Variants in CYC1 observed in about 807,000 individuals in gnomAD.
The protein encoded by CYC1 is cytochrome c1, heme protein, mitochondrial.
In CYC1, 10 loss-of-function variants were observed where a neutral mutation model predicts 33.8. That is an observed-to-expected ratio of 0.30 (90% CI 0.18 to 0.50). CYC1 has a LOEUF of 0.50. CYC1 is among the 20% of genes least tolerant of loss of function. The pLI is 0.98. For missense variants in CYC1, 459 were observed against 437.6 expected (o/e 1.05, Z -0.44); for synonymous variants, 224 against 181.9 (o/e 1.23, Z -1.86).
chr8:144,095,242 C>G lies in CYC1; in HGVS notation c.129+14C>G. Reference sequence around the variant, plus strand: ...CGGACACCTCAGGTGAGCGCTGGGCCGGGCCCCGGCCTCCGCGCGGCCCCG... The same window carrying G: ...CGGACACCTCAGGTGAGCGCTGGGCGGGGCCCCGGCCTCCGCGCGGCCCCG... On this transcript the variant is annotated intron_variant, in intron 1 of 6. Coordinates refer to ENST00000318911, the MANE Select transcript of CYC1 (RefSeq NM_001916.5). 1 of 1,198,292 alleles carries G rather than the reference C, an allele frequency of 8.3e-7. No individual in the cohort carries two copies. Among genetic ancestry groups the G allele is most frequent in the Non-Finnish European group, 1.0e-6 (1 of 966,438 alleles). The allele number at this position is 1,198,292 out of a possible 1,614,324, so 74.2% of individuals were successfully genotyped here. A position where few individuals can be genotyped will look rare whatever the true frequency, so the allele number is the denominator to read the frequency against.
In CYC1 at chr8:144,097,336, AC is replaced by A. The variant is rs1836186050; in HGVS notation, c.*3del. 1 of 1,613,286 alleles carries A rather than the reference AC, an allele frequency of 6.2e-7. No homozygotes were observed. Among genetic ancestry groups the A allele is most frequent in the African/African-American group, 1.3e-5 (1 of 74,904 alleles). ...AGCTGGCATATCGGCCGCCCAAGTG[AC>A]CCTGTCCAGTGTCTGCTTGCCATCC... On this transcript the variant is annotated 3_prime_UTR_variant, in exon 7 of 7. Transcript: ENST00000318911.
In CYC1 at chr8:144,097,307, C is replaced by A. The variant is rs374087453; in HGVS notation, c.949C>A (p.Arg317=). The part of the protein sequence containing the change: ...KRHKWSVLKS[R]KLAYRPPK ...GCACAAGTGGTCAGTCCTGAAGAGTCGGAAGCTGGCATATCGGCCGCCCAA... is the reference window on the plus strand; with the variant it reads ...GCACAAGTGGTCAGTCCTGAAGAGTAGGAAGCTGGCATATCGGCCGCCCAA... Residue 317 remains arginine, a synonymous_variant, in exon 7 of 7, where the codon CGG becomes AGG. Transcript: ENST00000318911. 6.2e-7 allele frequency: 1 copy of A among 1,613,946 alleles called. No homozygotes were observed. Among genetic ancestry groups the A allele is most frequent in the Non-Finnish European group, 8.5e-7 (1 of 1,180,028 alleles).
rs376934717 is a variant in CYC1, at chr8:144,097,327, G to A, written c.969G>A (p.Pro323=). Residue 323 remains proline (P), a synonymous_variant, in exon 7 of 7, where the codon CCG becomes CCA. Coordinates refer to ENST00000318911, the MANE Select transcript of CYC1 (RefSeq NM_001916.5). ...AGAGTCGGAAGCTGGCATATCGGCC[G>A]CCCAAGTGACCCTGTCCAGTGTCTG... ...VLKSRKLAYR[P]PK 24 of 1,613,586 alleles carry A rather than the reference G, an allele frequency of 1.5e-5. No individual in the cohort carries two copies. The highest frequency in any genetic ancestry group is 3.3e-5 in the Admixed American group (2 of 59,972).
In CYC1 at chr8:144,097,405, T is replaced by G; in HGVS notation, c.*69T>G. 7.5e-7 allele frequency: 1 copy of G among 1,329,592 alleles called. No homozygotes were observed. The highest frequency in any genetic ancestry group is 1.1e-6 in the Non-Finnish European group (1 of 932,880). The allele number at this position is 1,329,592 out of a possible 1,614,324, so 82.4% of individuals were successfully genotyped here. On this transcript the variant is annotated 3_prime_UTR_variant, in exon 7 of 7. Coordinates refer to ENST00000318911, the MANE Select transcript of CYC1 (RefSeq NM_001916.5). ...AAGCCCAAGAGCCATCCCAGGCCTGTTCAGGCCTCAGCTAAGCCTCTCTTC... is the reference window on the plus strand; with the variant it reads ...AAGCCCAAGAGCCATCCCAGGCCTGGTCAGGCCTCAGCTAAGCCTCTCTTC...
chr8:144,097,281 G>A lies in CYC1; in HGVS notation c.923G>A (p.Arg308Gln), dbSNP rs200419425. ...GTGCCCCTGGTCTACACCATAAAGC[G>A]GCACAAGTGGTCAGTCCTGAAGAGT... ...LLVPLVYTIKRHKWSVLKSRK... is the reference protein window; with the variant it reads ...LLVPLVYTIKQHKWSVLKSRK... Residue 308 changes from arginine (R) to glutamine (Q), a missense_variant, in exon 7 of 7, where the codon CGG (arginine) becomes CAG (glutamine). By Grantham distance (43) the Arg-to-Gln change is conservative (BLOSUM62 1). Transcript: ENST00000318911. 18 of 1,613,982 alleles carry A rather than the reference G, an allele frequency of 1.1e-5. No individual in the cohort carries two copies. The highest frequency in any genetic ancestry group is 5.3e-5 in the African/African-American group (4 of 74,904).
chr8:144,095,331 C>A, intron 1 of CYC1, 103 bp downstream of exon 1: 2 of 1,021,308 alleles, frequency 2.0e-6, no homozygotes, highest in Non-Finnish European at 2.5e-6. Context: ...GGAAGCGGTA[C>A]CGGCCACCCA....
chr8:144,096,865 G>A, intron 5 of CYC1, 121 bp downstream of exon 5: 2 of 1,301,176 alleles, frequency 1.5e-6, no homozygotes, highest in South Asian at 2.6e-5. Flanking sequence ...GGCGTCTTCT[G>A]TGCATGTCTC....
At position 144,096,707 on chromosome 8, in the gene CYC1, C is replaced by T. The variant is rs777056215; in HGVS notation, c.735C>T (p.Ala245=). ...TTCCTGGCCAGGCCATTGCCATGGC[C>T]CCTCCCATCTACACAGATGTCTTAG... is the stretch of plus-strand genomic sequence containing the variant. ...PYFPGQAIAM[A]PPIYTDVLEF... The change falls in exon 5 of 7, where the codon GCC becomes GCT. Residue 245 remains alanine (A), a synonymous_variant. Coordinates refer to ENST00000318911, the MANE Select transcript of CYC1 (RefSeq NM_001916.5). 3.7e-6 allele frequency: 6 copies of T among 1,613,736 alleles called. No homozygotes were observed. The highest frequency in any genetic ancestry group is 1.3e-5 in the African/African-American group (1 of 75,034).
In CYC1 at chr8:144,096,376, T is replaced by C; in HGVS notation, c.493T>C (p.Phe165Leu). ...QDGPNEDGEM[F>L]MRPGKLFDYF... ...CGGCCCCAATGAAGATGGGGAGATG[T>C]TCATGCGGCCAGGGAAGCTGTTCGA... Residue 165 changes from phenylalanine (F) to leucine (L), a missense_variant, in exon 4 of 7, where the codon TTC becomes CTC. Physicochemically the swap from Phe to Leu is conservative, Grantham distance 22 (BLOSUM62 0). Transcript: ENST00000318911. 6.2e-7 allele frequency: 1 copy of C among 1,613,904 alleles called. No individual in the cohort carries two copies. Among genetic ancestry groups the C allele is most frequent in the South Asian group, 1.1e-5 (1 of 91,068 alleles).
At chr8:144,096,980 A>G (rs1365483023) in intron 5 of CYC1, 54 bp from the exon 6 acceptor site, 10 of 1,466,064 alleles carry the variant, frequency 6.8e-6, no homozygotes, top group Non-Finnish European at 9.4e-6. Context: ...GGGGGGCATG[A>G]TCCCAGGTTG....
rs1440867862 is a variant in CYC1 at position 144,096,368 on chromosome 8, G to A, written c.485G>A (p.Gly162Glu). Reference protein sequence around the residue: ...VEVQDGPNEDGEMFMRPGKLF... With the variant: ...VEVQDGPNEDEEMFMRPGKLF... ...GTTCAAGACGGCCCCAATGAAGATG[G>A]GGAGATGTTCATGCGGCCAGGGAAG... Residue 162 changes from glycine to glutamate, a missense_variant, in exon 4 of 7, where the codon GGG becomes GAG. Physicochemically the swap from Gly to Glu is moderately conservative, Grantham distance 98. Transcript: ENST00000318911. 4 of 1,614,046 alleles carry A rather than the reference G, an allele frequency of 2.5e-6. No individual in the cohort carries two copies. The highest frequency in any genetic ancestry group is 3.4e-6 in the Non-Finnish European group (4 of 1,180,006).
chr8:144,096,035 C>A lies in CYC1; in HGVS notation c.326+6C>A. On this transcript the variant is annotated splice_donor_region_variant and intron_variant, in intron 2 of 6. Coordinates refer to ENST00000318911, the MANE Select transcript of CYC1 (RefSeq NM_001916.5). Reference sequence around the variant, plus strand: ...TCTTCCTTGGACCACACCAGGTGTGCAGCTGGCTGGCTGGCTGGCAGCGGG... The same window carrying A: ...TCTTCCTTGGACCACACCAGGTGTGAAGCTGGCTGGCTGGCTGGCAGCGGG... The A allele has an allele frequency of 6.2e-7, 1 of 1,600,196 alleles. No individual in the cohort carries two copies. Among genetic ancestry groups the A allele is most frequent in the Non-Finnish European group, 8.5e-7 (1 of 1,174,678 alleles).
At chr8:144,095,258 C>CA in intron 1 of CYC1, 30 bp downstream of exon 1, 1 of 1,194,670 alleles carries the variant, frequency 8.4e-7, no homozygotes, top group South Asian at 4.2e-5. Flanking sequence ...CCGGCCTCCG[C>CA]GCGGCCCCGC....
At position 144,096,461 on chromosome 8, in the gene CYC1, T is replaced by C. The variant is rs201129717; in HGVS notation, c.578T>C (p.Leu193Ser). 4.3e-6 allele frequency: 7 copies of C among 1,614,040 alleles called. No individual in the cohort carries two copies. The Admixed American group carries it at 1.0e-4, about 23-fold the overall frequency. The change falls in exon 4 of 7, where the codon TTG becomes TCG. Residue 193 changes from leucine (L) to serine (S), a missense_variant. By Grantham distance (145) the Leu-to-Ser change is moderately radical. Coordinates refer to ENST00000318911, the MANE Select transcript of CYC1 (RefSeq NM_001916.5). The part of the protein sequence containing the change: ...EAARAANNGA[L>S]PPDLSYIVRA... ...GCTCGAGCTGCCAACAACGGAGCATTGCCCCCTGACCTCAGCTACATCGTG... is the reference window on the plus strand; with the variant it reads ...GCTCGAGCTGCCAACAACGGAGCATCGCCCCCTGACCTCAGCTACATCGTG...
chr8:144,095,718 C>G, intron 1 of CYC1, 115 bp from the exon 2 acceptor site: 1 of 1,069,500 alleles, frequency 9.4e-7, no homozygotes, highest in Admixed American at 2.2e-5. Flanking sequence ...ACAGGGTGTG[C>G]GTCTGGTGCC....
rs1391326974 is a variant in CYC1, at chr8:144,095,897, G to A, written c.194G>A (p.Gly65Asp). The stretch of plus-strand genomic sequence containing the variant: ...CGGAAAGTGATGCTGTCAGCGCTGG[G>A]CATGCTGGCGGCAGGGGGTGCGGGG... ...RGRKVMLSAL[G>D]MLAAGGAGLA... The change falls in exon 2 of 7, where the codon GGC becomes GAC. Residue 65 changes from glycine (G) to aspartate (D), a missense_variant. Coordinates refer to ENST00000318911, the MANE Select transcript of CYC1 (RefSeq NM_001916.5). 6.2e-7 allele frequency: 1 copy of A among 1,609,446 alleles called. No homozygotes were observed.
In CYC1 at chr8:144,096,268, G is replaced by A. The variant is rs1339669076; in HGVS notation, c.453+18G>A. On this transcript the variant is annotated intron_variant, in intron 3 of 6. Transcript: ENST00000318911. The stretch of plus-strand genomic sequence containing the variant: ...CTGCGGAGGTGTGGGGTCTGGGGAT[G>A]CCTGGGACCCAGGGCTCAGGGCTCC... 1 of 1,613,804 alleles carries A rather than the reference G, an allele frequency of 6.2e-7. No homozygotes were observed.
chr8:144,096,151 G>A lies in CYC1; in HGVS notation c.354G>A (p.Lys118=), dbSNP rs1416927118. 6.2e-7 allele frequency: 1 copy of A among 1,613,702 alleles called. No individual in the cohort carries two copies. Among genetic ancestry groups the A allele is most frequent in the East Asian group, 2.2e-5 (1 of 44,886 alleles). The stretch of plus-strand genomic sequence containing the variant: ...TCCGGAGGGGTTTCCAGGTATATAA[G>A]CAGGTGTGCGCCTCCTGCCACAGCA... ...TSIRRGFQVY[K]QVCASCHSMD... is the part of the protein sequence containing the mutation. Residue 118 remains lysine (K), a synonymous_variant, in exon 3 of 7, where the codon AAG becomes AAA. Coordinates refer to ENST00000318911, the MANE Select transcript of CYC1 (RefSeq NM_001916.5).
At position 144,096,046 on chromosome 8, in the gene CYC1, C is replaced by T; in HGVS notation, c.326+17C>T. ...CCACACCAGGTGTGCAGCTGGCTGGCTGGCTGGCAGCGGGAGGTTCTGGGT... is the reference window on the plus strand; with the variant it reads ...CCACACCAGGTGTGCAGCTGGCTGGTTGGCTGGCAGCGGGAGGTTCTGGGT... On this transcript the variant is annotated intron_variant, in intron 2 of 6. Coordinates refer to ENST00000318911, the MANE Select transcript of CYC1 (RefSeq NM_001916.5). 6.3e-7 allele frequency: 1 copy of T among 1,599,590 alleles called. No homozygotes were observed.
Sources: gnomAD v4.1 joint callset for allele counts on GRCh38, gnomAD v4.1.1 for gene constraint, MANE v1.5 for transcripts, NCBI Gene and HGNC (gene_info 2026-07-23, HGNC 2026-07-21) for gene names.